FAM178B: variants seen among roughly 807,000 people sequenced by gnomAD.
The protein encoded by FAM178B is protein FAM178B.
A neutral mutation model predicts 91.7 loss-of-function variants in FAM178B; 82 were observed. The ratio of observed to expected loss-of-function variants is 0.89; its 90% CI spans 0.75 to 1.07. The LOEUF (loss-of-function observed/expected upper bound fraction) is 1.07. Ranked by LOEUF, FAM178B falls within the 50% of genes least tolerant of loss-of-function variation. The probability of loss-of-function intolerance (pLI) is 0.00; values close to 1 mark genes in which losing one functional copy is unlikely to be tolerated. For missense variants in FAM178B, 769 were observed against 846.7 expected, an observed-to-expected ratio of 0.91 and a Z score of 1.14; for synonymous variants, 368 against 359.4, an observed-to-expected ratio of 1.02 and a Z score of -0.27.
At chr2:96,980,858 T>C in intron 1 of FAM178B, among the ~76,000 whole-genome samples, 1 of 152,198 alleles carries the variant, frequency 6.6e-6, no homozygotes, top group East Asian at 1.9e-4. Flanking sequence ...CCAATTCAAG[T>C]CTATTGCCCA....
intron 12 of FAM178B, among the ~76,000 whole-genome samples, chr2:96,906,911 G>C (rs1240907836): frequency 1.3e-5 from 2 of 152,214 alleles, no homozygotes; most frequent in Non-Finnish European, 2.9e-5. Flanking sequence ...CAAAACTTGA[G>C]GCCTGCGCGG....
rs553644885 is a variant in FAM178B at position 96,971,369 on chromosome 2, C to T, written c.564+532G>A. On this transcript the variant is annotated intron_variant, in intron 3 of 16. Coordinates refer to ENST00000490605, the MANE Select transcript of FAM178B (RefSeq NM_001122646.3). The stretch of plus-strand genomic sequence containing the variant: ...TCTGTCTGTCTGTCTGTCTCTCTCT[C>T]GCAGGCTGTTACAAACAGCTGAAAC... Among the ~76,000 whole-genome samples, 184 of 151,346 alleles carry T rather than the reference C, an allele frequency of 1.2e-3. 1 individual carries two copies. The highest frequency in any genetic ancestry group is 4.1e-3 in the African/African-American group (169 of 41,198).
intron 10 of FAM178B, 148 bp from the exon 11 acceptor site, chr2:96,921,802 G>A (rs1454342622): frequency 1.4e-5 from 11 of 773,436 alleles, no homozygotes; most frequent in Non-Finnish European, 2.1e-5. Flanking sequence ...GAAACAGTGA[G>A]GCCCCTGCAG....
At chr2:96,975,996 A>T (rs983521822) in intron 1 of FAM178B, among the ~76,000 whole-genome samples, 1 of 152,222 alleles carries the variant, frequency 6.6e-6, no homozygotes, top group African/African-American at 2.4e-5. Context: ...AAACCAACAG[A>T]ACACTTTACC....
intron 1 of FAM178B, among the ~76,000 whole-genome samples, chr2:96,972,976 G>A (rs1730119): frequency 0.79 from 119,075 of 151,636 alleles, 48,251 homozygotes; most frequent in Non-Finnish European, 0.88. Context: ...CGCCAAGGTG[G>A]ACGGATCACC....
intron 8 of FAM178B, among the ~76,000 whole-genome samples, chr2:96,934,251 C>G (rs1202676379): frequency 6.6e-6 from 1 of 152,132 alleles, no homozygotes; most frequent in Non-Finnish European, 1.5e-5. Context: ...GGTCAGGGGA[C>G]GCTGGAGCAC....
intron 13 of FAM178B, among the ~76,000 whole-genome samples, chr2:96,901,622 A>C (rs1559060986): frequency 1.3e-5 from 2 of 152,198 alleles, no homozygotes; most frequent in Non-Finnish European, 2.9e-5. Flanking sequence ...TATAAAAAAT[A>C]AACAACAACA....
chr2:96,882,079 A>T (rs2080398704), intron 14 of FAM178B, among the ~76,000 whole-genome samples: 1 of 152,112 alleles, frequency 6.6e-6, no homozygotes, highest in Non-Finnish European at 1.5e-5. Flanking sequence ...CATAGGAAAC[A>T]CCCACACTTC....
chr2:96,984,728 T>C (rs905481929), intron 1 of FAM178B, among the ~76,000 whole-genome samples: 1 of 152,240 alleles, frequency 6.6e-6, no homozygotes, highest in Non-Finnish European at 1.5e-5. Flanking sequence ...ACATTTTTCA[T>C]TTGTCTATCT....
At position 96,972,574 on chromosome 2, in the gene FAM178B, G is replaced by A. The variant is rs146972264; in HGVS notation, c.106C>T (p.Pro36Ser). 51,996 of 1,551,592 alleles carry A rather than the reference G, an allele frequency of 0.034. 1,039 individuals are homozygous for A. The highest frequency in any genetic ancestry group is 0.055 in the Admixed American group (2,826 of 51,010). ...QMSHGLQMAG[P>S]QETVLALPLR... ...GGAAGGGCTAGCACCGTCTCCTGGG[G>A]CCCAGCCATCTGCAAGCCGTGGGAC... The change falls in exon 2 of 17, where the codon CCC becomes TCC. Residue 36 changes from proline to serine, a missense_variant. Pro to Ser is a moderately conservative substitution (Grantham distance 74, BLOSUM62 -1). Coordinates refer to ENST00000490605, the MANE Select transcript of FAM178B (RefSeq NM_001122646.3).
chr2:96,960,840 G>T (rs543964933), intron 5 of FAM178B, among the ~76,000 whole-genome samples: 1 of 152,216 alleles, frequency 6.6e-6, no homozygotes, highest in Admixed American at 6.5e-5. Flanking sequence ...CTACAGGGCG[G>T]CTCCATAAGG....
chr2:96,936,101 T>C (rs1377810245), intron 8 of FAM178B, among the ~76,000 whole-genome samples: 2 of 152,166 alleles, frequency 1.3e-5, no homozygotes, highest in Non-Finnish European at 2.9e-5. Flanking sequence ...CAGAAACTAC[T>C]TTCTGATCAA....
chr2:96,980,013 T>A (rs184799353), intron 1 of FAM178B, among the ~76,000 whole-genome samples: 1 of 152,216 alleles, frequency 6.6e-6, no homozygotes, highest in Non-Finnish European at 1.5e-5. Flanking sequence ...ATACTTGAGA[T>A]TGCTGGTATC....
At chr2:96,886,293 G>C (rs2080518553) in intron 14 of FAM178B, among the ~76,000 whole-genome samples, 1 of 152,240 alleles carries the variant, frequency 6.6e-6, no homozygotes, top group Admixed American at 6.5e-5. Flanking sequence ...CTGTATGCTA[G>C]CTTGCCAATG....
At chr2:96,894,512 A>C (rs1245431731) in intron 13 of FAM178B, among the ~76,000 whole-genome samples, 6 of 95,552 alleles carry the variant, frequency 6.3e-5, no homozygotes, top group African/African-American at 2.6e-4. Context: ...CCACCCACAT[A>C]CACACAGACC....
intron 12 of FAM178B, among the ~76,000 whole-genome samples, chr2:96,908,068 C>T (rs1374834181): frequency 6.6e-6 from 1 of 152,254 alleles, no homozygotes; most frequent in African/African-American, 2.4e-5. Flanking sequence ...GCACTCCTTC[C>T]CTGGACTCTT....
intron 1 of FAM178B, among the ~76,000 whole-genome samples, chr2:96,975,873 C>G (rs1049839162): frequency 3.9e-5 from 6 of 152,200 alleles, no homozygotes; most frequent in Non-Finnish European, 5.9e-5. Context: ...CTTGGCCTCC[C>G]AAAGTTTGGG....
chr2:96,901,843 A>G (rs1217145457), intron 13 of FAM178B, among the ~76,000 whole-genome samples: 4 of 152,138 alleles, frequency 2.6e-5, no homozygotes, highest in Non-Finnish European at 4.4e-5. Context: ...AAATAAATGA[A>G]TTTAATTCAT....
intron 14 of FAM178B, among the ~76,000 whole-genome samples, chr2:96,879,618 G>A (rs990957091): frequency 6.6e-6 from 1 of 152,274 alleles, no homozygotes; most frequent in African/African-American, 2.4e-5. Flanking sequence ...CCCACCAGCA[G>A]CGCCCACCCT....
Sources: gnomAD v4.1 joint callset for allele counts (sites outside exome capture counted in the v4.1 genomes callset) on GRCh38, gnomAD v4.1.1 for gene constraint, MANE v1.5 for transcripts, NCBI Gene and HGNC (gene_info 2026-07-23, HGNC 2026-07-21) for gene names.